SETBP1: variants seen among roughly 807,000 people sequenced by gnomAD.
The protein encoded by SETBP1 is SET binding protein 1.
In SETBP1, 9 loss-of-function variants were observed where a neutral mutation model predicts 101.0. The observed-to-expected ratio is 0.09, with a 90% CI of 0.05 to 0.16. The LOEUF (loss-of-function observed/expected upper bound fraction) is 0.16. SETBP1 is among the 10% of genes least tolerant of loss of function. The pLI, the probability that SETBP1 is intolerant of heterozygous loss-of-function variation, is 1.00. For synonymous variants in SETBP1, 818 were observed against 788.5 expected (o/e 1.04, Z -0.63); for missense variants, 1,858 against 2,033.8 (o/e 0.91, Z 1.66).
intron 5 of SETBP1, among the ~76,000 whole-genome samples, chr18:45,053,388 C>T (rs1271056449): frequency 6.6e-6 from 1 of 151,948 alleles, no homozygotes; most frequent in African/African-American, 2.4e-5. Context: ...GATGTCTTAC[C>T]CAGAGCACAG....
rs2072697917 is a variant in SETBP1 at position 45,005,140 on chromosome 18, T to C, written c.4001-33345T>C. The stretch of plus-strand genomic sequence containing the variant: ...ATCACTACACAAGAAAAATAATATA[T>C]AGGAAGAAAATACAACCTCATGTAC... On this transcript the variant is annotated intron_variant, in intron 4 of 5. Coordinates refer to ENST00000649279, the MANE Select transcript of SETBP1 (RefSeq NM_015559.3). Among the ~76,000 whole-genome samples the C allele has an allele frequency of 2.0e-5, 3 of 152,124 alleles. No individual in the cohort carries two copies. The South Asian group carries it at 6.2e-4, about 32-fold the overall frequency.
chr18:44,788,790 A>ATTTTTTTTTTT (rs34929410), intron 2 of SETBP1, among the ~76,000 whole-genome samples: 2 of 80,434 alleles, frequency 2.5e-5, no homozygotes, highest in African/African-American at 5.3e-5. Flanking sequence ...TTCCTTTTTA[A>ATTTTTTTTTTT]TTTTTTTTTT....
At chr18:44,743,614 G>T (rs2070149103) in intron 2 of SETBP1, among the ~76,000 whole-genome samples, 1 of 152,128 alleles carries the variant, frequency 6.6e-6, no homozygotes, top group African/African-American at 2.4e-5. Context: ...GTGTGTTGGT[G>T]GATCAATTCC....
chr18:44,852,008 G>A (rs983281001), intron 2 of SETBP1, among the ~76,000 whole-genome samples: 12 of 152,184 alleles, frequency 7.9e-5, no homozygotes, highest in African/African-American at 2.9e-4. Flanking sequence ...TCTAGGAAGC[G>A]AATAAGAGCC....
intron 5 of SETBP1, among the ~76,000 whole-genome samples, chr18:45,045,885 G>T (rs1320441895): frequency 6.6e-6 from 1 of 151,988 alleles, no homozygotes; most frequent in African/African-American, 2.4e-5. Context: ...TTCTTCCCTG[G>T]AACTTTTTTA....
intron 4 of SETBP1, among the ~76,000 whole-genome samples, chr18:45,028,312 C>T (rs1334756497): frequency 1.3e-5 from 2 of 152,006 alleles, no homozygotes; most frequent in Non-Finnish European, 2.9e-5. Context: ...TTTCCAATTT[C>T]ATCCATGGCC....
At chr18:45,032,586 ACCACCT>A (rs1484270947) in intron 4 of SETBP1, among the ~76,000 whole-genome samples, 1 of 152,214 alleles carries the variant, frequency 6.6e-6, no homozygotes, top group Non-Finnish European at 1.5e-5. Context: ...TGATAGGGTC[ACCACCT>A]CTGATTACGC....
chr18:44,963,801 G>A (rs955241584), intron 4 of SETBP1, among the ~76,000 whole-genome samples: 9 of 143,440 alleles, frequency 6.3e-5, no homozygotes, highest in Non-Finnish European at 1.0e-4. Context: ...GAGGTGGGAC[G>A]ACTGCTTGAG....
chr18:44,982,449 T>C (rs935754734), intron 4 of SETBP1, among the ~76,000 whole-genome samples: 2 of 152,230 alleles, frequency 1.3e-5, no homozygotes, highest in African/African-American at 4.8e-5. Flanking sequence ...TAAACTCTTT[T>C]TAAATTTATG....
At chr18:44,742,871 G>A (rs746228333) in intron 2 of SETBP1, among the ~76,000 whole-genome samples, 2 of 151,938 alleles carry the variant, frequency 1.3e-5, no homozygotes, top group African/African-American at 4.8e-5. Context: ...TGCTCCATCC[G>A]GGACTCTGGC....
chr18:44,845,874 C>T (rs1256055297), intron 2 of SETBP1, among the ~76,000 whole-genome samples: 4 of 152,194 alleles, frequency 2.6e-5, no homozygotes, highest in South Asian at 2.1e-4. Flanking sequence ...CTTCAGGTTG[C>T]GAGCCCTGTT....
chr18:45,012,371 G>A (rs2072856956), intron 4 of SETBP1, among the ~76,000 whole-genome samples: 1 of 152,168 alleles, frequency 6.6e-6, no homozygotes, highest in Non-Finnish European at 1.5e-5. Flanking sequence ...AATTTCAGGG[G>A]CCTCCAGGGT....
intron 2 of SETBP1, among the ~76,000 whole-genome samples, chr18:44,805,102 G>A (rs2071698949): frequency 6.6e-6 from 1 of 151,972 alleles, no homozygotes; most frequent in South Asian, 2.1e-4. Flanking sequence ...GCTGTTTGCA[G>A]TCCCTACACT....
At chr18:44,778,867 T>C (rs1365645624) in intron 2 of SETBP1, among the ~76,000 whole-genome samples, 3 of 152,248 alleles carry the variant, frequency 2.0e-5, no homozygotes, top group African/African-American at 7.2e-5. Context: ...AAGGTCTATT[T>C]ACTCAGCCCC....
At chr18:44,785,610 G>A (rs1005227257) in intron 2 of SETBP1, among the ~76,000 whole-genome samples, 1 of 152,188 alleles carries the variant, frequency 6.6e-6, no homozygotes, top group Admixed American at 6.5e-5. Flanking sequence ...CCCTAGACTT[G>A]TCAGCCCTCA....
rs555999618 is a variant in SETBP1 at position 45,004,769 on chromosome 18, G to A, written c.4001-33716G>A. On this transcript the variant is annotated intron_variant, in intron 4 of 5. Coordinates refer to ENST00000649279, the MANE Select transcript of SETBP1 (RefSeq NM_015559.3). ...TCATGGGTGAGAGCTTATTTCCCTC[G>A]GCTGCTGGACCATGCAGAGTCTCTG... Among the ~76,000 whole-genome samples, 30 of 152,282 alleles carry A rather than the reference G, an allele frequency of 2.0e-4. No homozygotes were observed. The South Asian group carries it at 5.4e-3, about 27-fold the overall frequency.
At chr18:44,696,401 G>A (rs373084710) in intron 1 of SETBP1, among the ~76,000 whole-genome samples, 25 of 152,288 alleles carry the variant, frequency 1.6e-4, no homozygotes, top group African/African-American at 6.0e-4. Context: ...CTGGCGTGTT[G>A]GGTCCCAGCT....
rs370186735 is a variant in SETBP1 at position 44,980,087 on chromosome 18, A to G, written c.4000+26747A>G. Among the ~76,000 whole-genome samples, 19 of 152,312 alleles carry G rather than the reference A, an allele frequency of 1.2e-4. 1 individual carries two copies. The highest frequency in any genetic ancestry group is 4.6e-4 in the African/African-American group (19 of 41,572). Reference sequence around the variant, plus strand: ...TTGTTCTCTATTCTTGTTTCTGTGGAACCGGACAATAAGCAAAGCCAGGAG... The same window carrying G: ...TTGTTCTCTATTCTTGTTTCTGTGGGACCGGACAATAAGCAAAGCCAGGAG... On this transcript the variant is annotated intron_variant, in intron 4 of 5. Transcript: ENST00000649279.
intron 4 of SETBP1, among the ~76,000 whole-genome samples, chr18:44,990,668 C>A (rs1272065126): frequency 7.3e-5 from 11 of 151,158 alleles, no homozygotes; most frequent in Non-Finnish European, 1.2e-4. Context: ...CAGACCCCCC[C>A]ACACACACGT....
Sources: allele counts gnomAD v4.1 joint callset (sites outside exome capture counted in the v4.1 genomes callset), GRCh38; gene constraint gnomAD v4.1.1; transcripts MANE v1.5; gene names NCBI Gene and HGNC (gene_info 2026-07-23, HGNC 2026-07-21).